The following MCPH1 variants were observed in gnomAD, a reference collection of about 807,000 sequenced individuals.
The protein encoded by MCPH1 is microcephalin 1.
A neutral mutation model predicts 84.5 loss-of-function variants in MCPH1; 104 were observed. The observed-to-expected ratio is 1.23, with a 90% CI of 1.05 to 1.45. The LOEUF is 1.45. Among genes scored for constraint, MCPH1 ranks in the 40% most tolerant of loss-of-function variants. MCPH1 has a pLI of 0.00. For synonymous variants in MCPH1, 514 were observed against 366.8 expected (o/e 1.40, Z -4.58); for missense variants, 1,498 against 1,005.7 (o/e 1.49, Z -6.62).
intron 12 of MCPH1, among the ~76,000 whole-genome samples, chr8:6,506,512 A>G (rs1813760243): frequency 1.3e-5 from 2 of 152,186 alleles, no homozygotes; most frequent in African/African-American, 4.8e-5. Context: ...TGGTCTAATA[A>G]GCACACCCTT....
intron 12 of MCPH1, among the ~76,000 whole-genome samples, chr8:6,551,497 A>G (rs983359604): frequency 6.6e-6 from 1 of 152,196 alleles, no homozygotes; most frequent in African/African-American, 2.4e-5. Flanking sequence ...AAAATATGCA[A>G]AATTTCACAT....
chr8:6,463,194 A>G (rs549199419), intron 9 of MCPH1, among the ~76,000 whole-genome samples: 1 of 152,294 alleles, frequency 6.6e-6, no homozygotes, highest in African/African-American at 2.4e-5. Flanking sequence ...GGCCATTAGC[A>G]TGAAATTGTG....
chr8:6,424,432 G>C (rs1460109744), intron 3 of MCPH1, among the ~76,000 whole-genome samples: 2 of 152,122 alleles, frequency 1.3e-5, no homozygotes, highest in African/African-American at 4.8e-5. Flanking sequence ...AACACAGGCC[G>C]ACATTAGGGG....
intron 12 of MCPH1, among the ~76,000 whole-genome samples, chr8:6,538,273 TAC>T (rs1820869621): frequency 2.0e-5 from 3 of 151,880 alleles, no homozygotes; most frequent in Non-Finnish European, 4.4e-5. Context: ...CCATCTGTCT[TAC>T]ACACACACAT....
In MCPH1 at chr8:6,492,267, A is replaced by G. The variant is rs1810698252; in HGVS notation, c.2137-7585A>G. On this transcript the variant is annotated intron_variant, in intron 11 of 13. Coordinates refer to ENST00000344683, the MANE Select transcript of MCPH1 (RefSeq NM_024596.5). ...TTTTCATGTGTCTGTTGGCTGCATA[A>G]ATGTCTTCTTTTGAGAAGTGTCTGT... Among the ~76,000 whole-genome samples the G allele has an allele frequency of 3.9e-5, 6 of 152,302 alleles. 1 individual carries two copies. Among genetic ancestry groups the G allele is most frequent in the Admixed American group, 3.9e-4 (6 of 15,294 alleles).
intron 13 of MCPH1, chr8:6,625,514 C>CG: frequency 1.0e-6 from 1 of 983,440 alleles, no homozygotes; most frequent in Non-Finnish European, 1.2e-6. Flanking sequence ...AGCACCAAAT[C>CG]GAAAAAGAAG....
At chr8:6,473,616 C>T (rs935506141) in intron 9 of MCPH1, among the ~76,000 whole-genome samples, 2 of 152,258 alleles carry the variant, frequency 1.3e-5, no homozygotes, top group African/African-American at 4.8e-5. Flanking sequence ...CAGGCGTGAG[C>T]CACCGCGCCC....
chr8:6,570,731 C>G (rs1039153210), intron 12 of MCPH1, among the ~76,000 whole-genome samples: 1 of 150,964 alleles, frequency 6.6e-6, no homozygotes, highest in Non-Finnish European at 1.5e-5. Flanking sequence ...GTTCCAAGTA[C>G]TCATTCATTC....
At chr8:6,464,501 A>T (rs1281050118) in intron 9 of MCPH1, among the ~76,000 whole-genome samples, 1 of 152,228 alleles carries the variant, frequency 6.6e-6, no homozygotes, top group African/African-American at 2.4e-5. Context: ...CTGATTTTGC[A>T]TGCATTGTAA....
rs969939052 is a variant in MCPH1, at chr8:6,634,117, G to C, written c.2453-8877G>C. 3.9e-5 allele frequency among the ~76,000 whole-genome samples: 6 copies of C among 152,160 alleles called. No homozygotes were observed. The East Asian group carries it at 1.2e-3, about 29-fold the overall frequency. On this transcript the variant is annotated intron_variant, in intron 13 of 13. Coordinates refer to ENST00000344683, the MANE Select transcript of MCPH1 (RefSeq NM_024596.5). Reference sequence around the variant, plus strand: ...TACGTAAAGCTAAAAATGAAGATGTGAATAGTGTATTGAAAAACTAGATCT... The same window carrying C: ...TACGTAAAGCTAAAAATGAAGATGTCAATAGTGTATTGAAAAACTAGATCT...
intron 12 of MCPH1, among the ~76,000 whole-genome samples, chr8:6,516,104 A>T (rs1466910999): frequency 6.6e-6 from 1 of 152,192 alleles, no homozygotes; most frequent in Non-Finnish European, 1.5e-5. Context: ...CATGTTTGGA[A>T]ACATAGGTGC....
intron 8 of MCPH1, chr8:6,446,535 CTGA>C: frequency 1.0e-6 from 1 of 983,810 alleles, no homozygotes; most frequent in Non-Finnish European, 1.2e-6. Context: ...TCTTGGCTTT[CTGA>C]ACATATATTA....
intron 12 of MCPH1, chr8:6,562,609 A>C: frequency 1.7e-6 from 2 of 1,142,866 alleles, no homozygotes; most frequent in Middle Eastern, 2.5e-4. Flanking sequence ...GCTGATCTTA[A>C]TAGCATGTTC....
intron 12 of MCPH1, among the ~76,000 whole-genome samples, chr8:6,546,188 AC>A (rs1822547169): frequency 6.6e-6 from 1 of 152,226 alleles, no homozygotes; most frequent in Non-Finnish European, 1.5e-5. Context: ...CAATTCCCAA[AC>A]TGTGTGCCAA....
chr8:6,631,712 C>A (rs1001282245), intron 13 of MCPH1, among the ~76,000 whole-genome samples: 2 of 150,178 alleles, frequency 1.3e-5, no homozygotes, highest in African/African-American at 2.4e-5. Flanking sequence ...AAAATTGGAA[C>A]CTTGTGTCTG....
At chr8:6,448,642 C>T (rs893122653) in intron 8 of MCPH1, among the ~76,000 whole-genome samples, 3 of 152,314 alleles carry the variant, frequency 2.0e-5, no homozygotes, top group African/African-American at 7.2e-5. Context: ...TGTGTGTCTA[C>T]AAGCATACAA....
intron 9 of MCPH1, among the ~76,000 whole-genome samples, chr8:6,473,327 T>C (rs1808007088): frequency 4.2e-5 from 5 of 120,010 alleles, no homozygotes; most frequent in Non-Finnish European, 6.8e-5. Context: ...ATCCTTTTTT[T>C]TTTTTTTTTT....
chr8:6,645,384 C>G lies in MCPH1; in HGVS notation c.*2335C>G, dbSNP rs1253002981. ...AGTAGCTTACTGTGGGTCTGCAAAG[C>G]CTTACTCAAAACATATAGGGCTAGA... On this transcript the variant is annotated 3_prime_UTR_variant, in exon 14 of 14. Coordinates refer to ENST00000344683, the MANE Select transcript of MCPH1 (RefSeq NM_024596.5). The G allele has an allele frequency of 6.6e-6, 1 of 151,938 alleles. No individual in the cohort carries two copies. The highest frequency in any genetic ancestry group is 1.5e-5 in the Non-Finnish European group (1 of 67,984). The allele number at this position is 151,938 out of a possible 1,614,324, so 9.4% of individuals were successfully genotyped here.
At position 6,589,487 on chromosome 8, in the gene MCPH1, T is replaced by A. The variant is rs1202894452; in HGVS notation, c.2215-31967T>A. 2.0e-5 allele frequency among the ~76,000 whole-genome samples: 3 copies of A among 152,328 alleles called. No individual in the cohort carries two copies. The South Asian group carries it at 6.2e-4, about 32-fold the overall frequency. On this transcript the variant is annotated intron_variant, in intron 12 of 13. Transcript: ENST00000344683. ...TTTCTGACATCAGCGTGCATTGCTC[T>A]GCATGTCACTTGGAGCACCGGCATC... is the stretch of plus-strand genomic sequence containing the variant.
Sources: allele counts gnomAD v4.1 joint callset (sites outside exome capture counted in the v4.1 genomes callset), GRCh38; gene constraint gnomAD v4.1.1; transcripts MANE v1.5; gene names NCBI Gene and HGNC (gene_info 2026-07-23, HGNC 2026-07-21).